The following PRDM4 variants were observed in gnomAD, a reference collection of about 807,000 sequenced individuals.
PRDM4 encodes PR domain zinc finger protein 4.
In PRDM4, 38 loss-of-function variants were observed where a neutral mutation model predicts 62.3. The observed-to-expected ratio is 0.61, with a 90% CI of 0.47 to 0.80. The LOEUF (loss-of-function observed/expected upper bound fraction) is 0.80, where lower values mean the gene tolerates loss of function less well. PRDM4 is among the 30% of genes least tolerant of loss of function. The pLI is 0.00. For synonymous variants in PRDM4, 339 were observed against 348.2 expected (o/e 0.97, Z 0.30); for missense variants, 858 against 997.1 (o/e 0.86, Z 1.88).
At chr12:107,746,682 C>T (rs1431695875) in intron 5 of PRDM4, among the ~76,000 whole-genome samples, 3 of 151,842 alleles carry the variant, frequency 2.0e-5, no homozygotes, top group Non-Finnish European at 2.9e-5. Context: ...ACAAGGTTTC[C>T]TCATGTTGGC....
At chr12:107,735,933 G>C (rs939583540) in intron 11 of PRDM4, among the ~76,000 whole-genome samples, 5 of 152,006 alleles carry the variant, frequency 3.3e-5, no homozygotes, top group African/African-American at 1.2e-4. Context: ...AGATGGCACT[G>C]AAGAACCCTT....
intron 2 of PRDM4, among the ~76,000 whole-genome samples, chr12:107,759,587 CGA>C (rs1891166520): frequency 6.6e-6 from 1 of 152,132 alleles, no homozygotes; most frequent in Admixed American, 6.5e-5. Context: ...GAGTTTAATG[CGA>C]GAGGCTCAGC....
intron 11 of PRDM4, among the ~76,000 whole-genome samples, chr12:107,737,222 G>A (rs1216438950): frequency 6.6e-6 from 1 of 151,940 alleles, no homozygotes; most frequent in African/African-American, 2.4e-5. Flanking sequence ...TTGGCATTAG[G>A]GCTGTAGCTG....
chr12:107,739,157 T>C (rs2136310329), intron 11 of PRDM4: 2 of 457,094 alleles, frequency 4.4e-6, no homozygotes, highest in South Asian at 7.3e-5. Flanking sequence ...AGAGTACATG[T>C]GAAAAGTAAG....
In PRDM4 at chr12:107,742,197, C is replaced by T. The variant is rs776904685; in HGVS notation, c.1609+24G>A. The T allele has an allele frequency of 1.9e-6, 3 of 1,600,950 alleles. No homozygotes were observed. The East Asian group carries it at 6.7e-5, about 36-fold the overall frequency. ...TTTGGTATTTTTACTAAGCCAGATT[C>T]ATTATAAACACATATTAACTTACCA... On this transcript the variant is annotated intron_variant, in intron 9 of 11. Transcript: ENST00000228437.
At chr12:107,740,322 A>G (rs1206380574) in intron 10 of PRDM4, among the ~76,000 whole-genome samples, 1 of 152,044 alleles carries the variant, frequency 6.6e-6, no homozygotes, top group East Asian at 1.9e-4. Flanking sequence ...CCCCATCTAT[A>G]TTAAAAATAC....
In PRDM4 at chr12:107,752,209, C is replaced by G. The variant is rs754050346; in HGVS notation, c.332G>C (p.Gly111Ala). Residue 111 changes from glycine to alanine, a missense_variant and splice_region_variant, in exon 5 of 12, where the codon GGC becomes GCC. This residue lies in a region of PRDM4 where 499 missense variants were observed against 546.7 expected (regional missense o/e 0.91). Coordinates refer to ENST00000228437, the MANE Select transcript of PRDM4 (RefSeq NM_012406.4). ...ESSYFRTILP[G>A]ILSYLADRPP... ...TCTGTCAGCTAAATAAGATAAAATG[C>G]CTGAGAAAAGGAAAAGATGAGATAT... The G allele has an allele frequency of 1.3e-6, 2 of 1,560,158 alleles. No homozygotes were observed. The highest frequency in any genetic ancestry group is 1.7e-5 in the Admixed American group (1 of 59,626).
chr12:107,737,973 G>A (rs1430002734), intron 11 of PRDM4: 3 of 152,226 alleles, frequency 2.0e-5, no homozygotes, highest in African/African-American at 7.2e-5. Context: ...GTGTCCTTAT[G>A]AGAAGAGATT....
intron 5 of PRDM4, among the ~76,000 whole-genome samples, 195 bp from the exon 6 acceptor site, chr12:107,746,619 G>C (rs1890717075): frequency 6.6e-6 from 1 of 151,892 alleles, no homozygotes; most frequent in East Asian, 1.9e-4. Flanking sequence ...CATATAGCTG[G>C]GACTACAGGC....
At chr12:107,739,167 GA>G (rs1890434557) in intron 11 of PRDM4, 1 of 479,964 alleles carries the variant, frequency 2.1e-6, no homozygotes, top group Non-Finnish European at 3.7e-6. Flanking sequence ...TGAAAAGTAA[GA>G]AAAAGAAAGC....
intron 11 of PRDM4, chr12:107,736,574 C>T (rs1033666781): frequency 4.6e-5 from 7 of 152,218 alleles, no homozygotes; most frequent in Admixed American, 4.6e-4. Context: ...CTTCTGACTG[C>T]TGTAAAAAGC....
In PRDM4 at chr12:107,751,670, T is replaced by A. The variant is rs944725493; in HGVS notation, c.871A>T (p.Thr291Ser). The A allele has an allele frequency of 6.2e-7, 1 of 1,614,020 alleles. No individual in the cohort carries two copies. Among genetic ancestry groups the A allele is most frequent in the African/African-American group, 1.3e-5 (1 of 74,904 alleles). ...ACAGAGTTGGTGCTCATGGCCACAG[T>A]GTGAATGGAGTCACTGAGGGCACTG... ...SDSALSDSIHTVAMSTNSVSV... is the reference protein window; with the variant it reads ...SDSALSDSIHSVAMSTNSVSV... Residue 291 changes from threonine (T) to serine (S), a missense_variant, in exon 5 of 12, where the codon ACT (threonine) becomes TCT (serine). Around this residue, in one of 3 missense-constraint regions of PRDM4, gnomAD observed 499 missense variants for 546.7 expected, o/e 0.91. Coordinates refer to ENST00000228437, the MANE Select transcript of PRDM4 (RefSeq NM_012406.4).
chr12:107,737,092 T>C (rs1387362059), intron 11 of PRDM4: 1 of 151,884 alleles, frequency 6.6e-6, no homozygotes, highest in Non-Finnish European at 1.5e-5. Flanking sequence ...CAAGATGACC[T>C]GGGGAGTAAA....
At chr12:107,752,235 C>T (rs1342369580) in intron 4 of PRDM4, 26 bp from the exon 5 acceptor site, 1 of 1,504,482 alleles carries the variant, frequency 6.6e-7, no homozygotes, top group Non-Finnish European at 9.2e-7. Context: ...GATGAGATAT[C>T]AGAGACTTTT....
At chr12:107,739,285 T>G (rs1890438034) in intron 11 of PRDM4, 98 bp downstream of exon 11, 1 of 1,358,134 alleles carries the variant, frequency 7.4e-7, no homozygotes, top group Non-Finnish European at 1.0e-6. Context: ...ATGAAACAGA[T>G]GAGCCAGGAC....
chr12:107,745,842 C>T (rs1339076307), intron 6 of PRDM4, among the ~76,000 whole-genome samples: 1 of 152,142 alleles, frequency 6.6e-6, no homozygotes, highest in Non-Finnish European at 1.5e-5. Flanking sequence ...TAAAGTCTGG[C>T]AATCTACATT....
intron 8 of PRDM4, chr12:107,742,644 G>C (rs960939715): frequency 9.0e-6 from 3 of 332,950 alleles, no homozygotes; most frequent in African/African-American, 2.2e-5. Flanking sequence ...CAAAGACATA[G>C]AGCTAGCTAG....
intron 3 of PRDM4, among the ~76,000 whole-genome samples, chr12:107,755,171 C>A (rs1185854490): frequency 2.0e-5 from 3 of 152,080 alleles, no homozygotes; most frequent in Non-Finnish European, 4.4e-5. Flanking sequence ...GCAACCTGAG[C>A]TTTCCTGGCT....
Position 107,740,503 on chromosome 12 carries a change from T to C in PRDM4, c.1924+443A>G, listed in dbSNP as rs185962004. ...CCCTATCTCAAAAAAAAATTTTTTTTTTTCTTAAAAAGTACTAAAAGAAAG... is the reference window on the plus strand; with the variant it reads ...CCCTATCTCAAAAAAAAATTTTTTTCTTTCTTAAAAAGTACTAAAAGAAAG... On this transcript the variant is annotated intron_variant, in intron 10 of 11. Coordinates refer to ENST00000228437, the MANE Select transcript of PRDM4 (RefSeq NM_012406.4). Among the ~76,000 whole-genome samples, 441 of 152,156 alleles carry C rather than the reference T, an allele frequency of 2.9e-3. 4 individuals carry two copies. The highest frequency in any genetic ancestry group is 0.01 in the African/African-American group (420 of 41,490).
Sources: gnomAD v4.1 joint callset for allele counts (sites outside exome capture counted in the v4.1 genomes callset) on GRCh38, gnomAD v4.1.1 for gene constraint, gnomAD v4.1.1 regional missense constraint, MANE v1.5 for transcripts, NCBI Gene and HGNC (gene_info 2026-07-23, HGNC 2026-07-21) for gene names.